Variants in TMCO4 observed in about 807,000 individuals in gnomAD.
TMCO4 encodes the protein transmembrane and coiled-coil domain-containing protein 4.
In TMCO4, 58 loss-of-function variants were observed where a neutral mutation model predicts 64.7. The ratio of observed to expected loss-of-function variants is 0.90; its 90% confidence interval spans 0.73 to 1.12. The LOEUF (loss-of-function observed/expected upper bound fraction) is 1.12, where lower values mean the gene tolerates loss of function less well. Among genes scored for constraint, TMCO4 ranks in the 50% most tolerant of loss-of-function variants. TMCO4 has a pLI of 0.00. For synonymous variants in TMCO4, 325 were observed against 346.1 expected (o/e 0.94, Z 0.68); for missense variants, 780 against 825.9 (o/e 0.94, Z 0.68).
At chr1:19,737,226 G>T (rs2095458731) in intron 13 of TMCO4, 146 bp downstream of exon 13, 1 of 804,892 alleles carries the variant, frequency 1.2e-6, no homozygotes, top group Non-Finnish European at 1.9e-6. Context: ...GATTTTTCTT[G>T]ATTTTTAAAC....
At chr1:19,730,139 G>A (rs940858090) in intron 13 of TMCO4, among the ~76,000 whole-genome samples, 5 of 152,194 alleles carry the variant, frequency 3.3e-5, no homozygotes, top group Non-Finnish European at 7.3e-5. Flanking sequence ...CCTCCTTCAT[G>A]TGAGGAATGT....
chr1:19,742,536 C>T (rs1384259944), intron 10 of TMCO4, among the ~76,000 whole-genome samples: 7 of 152,184 alleles, frequency 4.6e-5, no homozygotes, highest in African/African-American at 1.7e-4. Context: ...CCTGTCTCAG[C>T]TCTGCAACAA....
intron 13 of TMCO4, 103 bp downstream of exon 13, chr1:19,737,269 C>G: frequency 8.7e-7 from 1 of 1,143,458 alleles, no homozygotes; most frequent in Non-Finnish European, 1.3e-6. Context: ...TTTCTAAGAA[C>G]TGGGAACACA....
intron 3 of TMCO4, 87 bp from the exon 4 acceptor site, chr1:19,780,853 G>T: frequency 1.7e-6 from 2 of 1,145,948 alleles, no homozygotes; most frequent in East Asian, 5.2e-5. Context: ...AACCATAAAA[G>T]GTTGATAAAG....
chr1:19,755,614 G>A lies in TMCO4; in HGVS notation c.515+20C>T, dbSNP rs1402889108. 1 of 1,613,180 alleles carries A rather than the reference G, an allele frequency of 6.2e-7. No individual in the cohort carries two copies. Among genetic ancestry groups the A allele is most frequent in the East Asian group, 2.2e-5 (1 of 44,872 alleles). ...AGTGGAAATCCTTGGATCCTGATGGGGGTCGCGGGGCTCTCTTACTCAGAT... is the reference window on the plus strand; with the variant it reads ...AGTGGAAATCCTTGGATCCTGATGGAGGTCGCGGGGCTCTCTTACTCAGAT... On this transcript the variant is annotated intron_variant, in intron 7 of 15. Transcript: ENST00000294543.
intron 15 of TMCO4, 43 bp downstream of exon 15, chr1:19,694,391 C>T (rs1449037999): frequency 1.3e-6 from 2 of 1,572,998 alleles, no homozygotes; most frequent in Non-Finnish European, 1.7e-6. Flanking sequence ...GCTGGAGCAA[C>T]TAAGCAAACG....
intron 4 of TMCO4, among the ~76,000 whole-genome samples, chr1:19,774,109 G>T (rs555497544): frequency 5.0e-4 from 76 of 152,322 alleles, no homozygotes; most frequent in Non-Finnish European, 1.0e-3. Flanking sequence ...ATTATAATTT[G>T]CCCCACTGCA....
chr1:19,721,752 G>T (rs905473423), intron 13 of TMCO4, among the ~76,000 whole-genome samples: 2 of 152,040 alleles, frequency 1.3e-5, no homozygotes, highest in African/African-American at 4.8e-5. Flanking sequence ...TTGTGCCACC[G>T]CACTCCAGCC....
chr1:19,794,916 T>G (rs1266405402), intron 2 of TMCO4, among the ~76,000 whole-genome samples: 3 of 152,072 alleles, frequency 2.0e-5, no homozygotes, highest in Non-Finnish European at 4.4e-5. Context: ...CAATTCCACT[T>G]AAGTAAGGTA....
chr1:19,781,945 T>C (rs2043511768), intron 3 of TMCO4, among the ~76,000 whole-genome samples: 2 of 152,240 alleles, frequency 1.3e-5, no homozygotes, highest in African/African-American at 4.8e-5. Flanking sequence ...CACGCCTGGC[T>C]GCAAACAGAA....
Position 19,700,968 on chromosome 1 carries a change from T to C in TMCO4, c.1265-83A>G, listed in dbSNP as rs145451823. The C allele has an allele frequency of 2.8e-6, 3 of 1,064,428 alleles. No homozygotes were observed. In the East Asian group the frequency reaches 7.2e-5, roughly 25 times the overall value. 65.9% of individuals were successfully genotyped at this position (1,064,428 alleles called of 1,614,324 possible). A position where few individuals can be genotyped will look rare whatever the true frequency, so the allele number is the denominator to read the frequency against. On this transcript the variant is annotated intron_variant, in intron 13 of 15. Transcript: ENST00000294543. ...GGGACTCCAACAGCAGTGGAGGAGA[T>C]GAATGTCACACACATACACATGCAC...
intron 14 of TMCO4, among the ~76,000 whole-genome samples, chr1:19,699,114 T>G (rs1445370112): frequency 1.3e-5 from 2 of 151,582 alleles, no homozygotes; most frequent in Non-Finnish European, 2.9e-5. Flanking sequence ...GAGAATGGCA[T>G]GAACCTGGGG....
intron 2 of TMCO4, 177 bp downstream of exon 2, chr1:19,797,958 GAA>G (rs754315534): frequency 3.4e-4 from 4 of 11,634 alleles, no homozygotes; most frequent in East Asian, 4.4e-3. Flanking sequence ...GAAAGAGAGA[GAA>G]AAGAAAAGAA....
chr1:19,723,935 CAG>C (rs1170331478), intron 13 of TMCO4, among the ~76,000 whole-genome samples: 1 of 152,168 alleles, frequency 6.6e-6, no homozygotes, highest in African/African-American at 2.4e-5. Flanking sequence ...CTTTAAATAA[CAG>C]AGACAACCCA....
chr1:19,781,593 G>C (rs2043479406), intron 3 of TMCO4, among the ~76,000 whole-genome samples: 1 of 150,966 alleles, frequency 6.6e-6, no homozygotes, highest in Admixed American at 6.6e-5. Flanking sequence ...AAACTAAAAA[G>C]ACTGAGAATA....
chr1:19,778,996 C>T (rs777431364), intron 4 of TMCO4, among the ~76,000 whole-genome samples: 4 of 152,138 alleles, frequency 2.6e-5, no homozygotes, highest in Non-Finnish European at 4.4e-5. Flanking sequence ...GGGAAGGCTT[C>T]CTGGCGGTAA....
At chr1:19,715,174 C>T (rs778871401) in intron 13 of TMCO4, among the ~76,000 whole-genome samples, 2 of 152,004 alleles carry the variant, frequency 1.3e-5, no homozygotes, top group East Asian at 1.9e-4. Flanking sequence ...GTCGAGGCTG[C>T]GGAGGGTGGT....
intron 14 of TMCO4, 108 bp downstream of exon 14, chr1:19,700,659 TC>T: frequency 9.4e-7 from 1 of 1,058,432 alleles, no homozygotes; most frequent in Non-Finnish European, 1.4e-6. Context: ...CCTGGGATCT[TC>T]CAGGACAGGG....
intron 13 of TMCO4, among the ~76,000 whole-genome samples, chr1:19,728,885 G>A (rs757828275): frequency 6.6e-6 from 1 of 152,238 alleles, no homozygotes; most frequent in African/African-American, 2.4e-5. Context: ...CAGGGTCAGT[G>A]AGAATGGTGC....
Sources: allele counts gnomAD v4.1 joint callset (sites outside exome capture counted in the v4.1 genomes callset), GRCh38; gene constraint gnomAD v4.1.1; transcripts MANE v1.5; gene names NCBI Gene and HGNC (gene_info 2026-07-23, HGNC 2026-07-21).